TTC27: variants seen among roughly 807,000 people sequenced by gnomAD.
TTC27 encodes the protein tetratricopeptide repeat protein 27.
In TTC27, 79 loss-of-function variants were observed where a neutral mutation model predicts 115.9. That is an observed-to-expected ratio of 0.68 (90% CI 0.57 to 0.82). The LOEUF is 0.82. TTC27 is among the 40% of genes least tolerant of loss of function. The pLI, the probability that TTC27 is intolerant of heterozygous loss-of-function variation, is 0.00. For synonymous variants in TTC27, 401 were observed against 356.0 expected (o/e 1.13, Z -1.42); for missense variants, 1,054 against 993.1 (o/e 1.06, Z -0.82).
intron 2 of TTC27, among the ~76,000 whole-genome samples, chr2:32,632,949 A>G (rs1015029405): frequency 6.6e-6 from 1 of 152,214 alleles, no homozygotes; most frequent in Non-Finnish European, 1.5e-5. Context: ...AATATTTCAT[A>G]TTTAGAAAAA....
intron 9 of TTC27, among the ~76,000 whole-genome samples, chr2:32,690,476 A>G (rs1221551663): frequency 6.6e-6 from 1 of 152,204 alleles, no homozygotes; most frequent in East Asian, 1.9e-4. Flanking sequence ...AGCACAGATA[A>G]AGATATCCTC....
intron 16 of TTC27, among the ~76,000 whole-genome samples, chr2:32,809,415 G>T (rs1671241409): frequency 6.6e-6 from 1 of 152,250 alleles, no homozygotes; most frequent in African/African-American, 2.4e-5. Context: ...GATGTGGGCA[G>T]CTGTCTCTTG....
At chr2:32,777,419 A>G (rs1670032567) in intron 13 of TTC27, among the ~76,000 whole-genome samples, 1 of 152,246 alleles carries the variant, frequency 6.6e-6, no homozygotes, top group South Asian at 2.1e-4. Flanking sequence ...ATCCTCCTAT[A>G]TACTTTCAAT....
intron 9 of TTC27, among the ~76,000 whole-genome samples, chr2:32,685,775 CT>C (rs1666608196): frequency 6.6e-6 from 1 of 152,164 alleles, no homozygotes; most frequent in Non-Finnish European, 1.5e-5. Context: ...GAAAAGTAGT[CT>C]TTCCCCCTTA....
chr2:32,779,051 C>A (rs1054936660), intron 14 of TTC27, among the ~76,000 whole-genome samples: 1 of 152,110 alleles, frequency 6.6e-6, no homozygotes, highest in East Asian at 1.9e-4. Context: ...TGGTAAAACC[C>A]CATGTCTCCT....
chr2:32,773,312 T>G (rs1040314260), intron 13 of TTC27, among the ~76,000 whole-genome samples: 19 of 152,222 alleles, frequency 1.2e-4, no homozygotes, highest in African/African-American at 3.4e-4. Flanking sequence ...CCTCCATTCT[T>G]GCCCCATCCT....
chr2:32,672,399 G>C lies in TTC27; in HGVS notation c.1052+15G>C. Reference sequence around the variant, plus strand: ...CTTGGAATCTGGTGAGTTAATGACTGACTTGGCTGCTTTGAACACTTTGCA... The same window carrying C: ...CTTGGAATCTGGTGAGTTAATGACTCACTTGGCTGCTTTGAACACTTTGCA... On this transcript the variant is annotated intron_variant, in intron 8 of 19. Transcript: ENST00000317907. 6.3e-7 allele frequency: 1 copy of C among 1,583,714 alleles called. No homozygotes were observed. Among genetic ancestry groups the C allele is most frequent in the Non-Finnish European group, 8.7e-7 (1 of 1,153,278 alleles).
chr2:32,696,631 T>A (rs1666998993), intron 9 of TTC27, among the ~76,000 whole-genome samples: 1 of 152,088 alleles, frequency 6.6e-6, no homozygotes, highest in Admixed American at 6.5e-5. Context: ...CACAAACATT[T>A]GAGTTGTTTT....
chr2:32,669,903 A>G (rs1342811543), intron 7 of TTC27, among the ~76,000 whole-genome samples: 1 of 147,004 alleles, frequency 6.8e-6, no homozygotes, highest in Non-Finnish European at 1.5e-5. Context: ...AAAAAAAAAG[A>G]AAAGAAAGAA....
At chr2:32,675,577 A>G (rs1666167902) in intron 8 of TTC27, among the ~76,000 whole-genome samples, 1 of 152,188 alleles carries the variant, frequency 6.6e-6, no homozygotes, top group South Asian at 2.1e-4. Context: ...ATCTTAGTGC[A>G]TCTGATGCAG....
chr2:32,786,396 C>T (rs1298849848), intron 15 of TTC27, among the ~76,000 whole-genome samples: 2 of 152,166 alleles, frequency 1.3e-5, no homozygotes, highest in African/African-American at 4.8e-5. Flanking sequence ...ACCTCAGCCA[C>T]TCAAAAAGTG....
At chr2:32,681,891 TCTG>T (rs1666437060) in intron 9 of TTC27, among the ~76,000 whole-genome samples, 1 of 152,036 alleles carries the variant, frequency 6.6e-6, no homozygotes, top group African/African-American at 2.4e-5. Context: ...CCCCACTTCT[TCTG>T]AGCTCTTGAA....
intron 1 of TTC27, among the ~76,000 whole-genome samples, chr2:32,628,768 TA>T (rs1356866183): frequency 1.1e-4 from 15 of 140,416 alleles, no homozygotes; most frequent in South Asian, 4.2e-4. Flanking sequence ...TTTATTTATT[TA>T]TTTATTTATT....
chr2:32,812,296 AG>A (rs1210509224), intron 17 of TTC27, among the ~76,000 whole-genome samples: 2 of 152,200 alleles, frequency 1.3e-5, no homozygotes, highest in Non-Finnish European at 2.9e-5. Flanking sequence ...GTCTCAATCC[AG>A]GTACATCCAT....
At chr2:32,783,105 C>T (rs549210735) in intron 15 of TTC27, among the ~76,000 whole-genome samples, 21 of 152,196 alleles carry the variant, frequency 1.4e-4, no homozygotes, top group African/African-American at 3.9e-4. Flanking sequence ...TAAAATACTA[C>T]GCCATCTTAT....
At chr2:32,696,988 C>T (rs896939760) in intron 9 of TTC27, among the ~76,000 whole-genome samples, 1 of 152,050 alleles carries the variant, frequency 6.6e-6, no homozygotes, top group Non-Finnish European at 1.5e-5. Context: ...TGCTTGAGCC[C>T]AGGAGTTCGA....
rs755521459 is a variant in TTC27, at chr2:32,650,151, G to C, written c.558G>C (p.Leu186Phe). ...CCTAGAGCTTGCCATGGTGGACTTTGAGATGTGTGAATATTCATCAGCATT... is the reference window on the plus strand; with the variant it reads ...CCTAGAGCTTGCCATGGTGGACTTTCAGATGTGTGAATATTCATCAGCATT... ...TAIQSLPWWT[L>F]RCVNIHQHLL... is the part of the protein sequence containing the mutation. Residue 186 changes from leucine to phenylalanine, a missense_variant, in exon 5 of 20, where the codon TTG becomes TTC. By Grantham distance (22) the Leu-to-Phe change is conservative. Transcript: ENST00000317907. 6.8e-6 allele frequency: 11 copies of C among 1,613,754 alleles called. No homozygotes were observed. Among genetic ancestry groups the C allele is most frequent in the Non-Finnish European group, 8.5e-6 (10 of 1,179,786 alleles).
chr2:32,666,715 C>T lies in TTC27; in HGVS notation c.886C>T (p.Leu296Phe), dbSNP rs755121558. The T allele has an allele frequency of 3.7e-6, 6 of 1,613,880 alleles. No individual in the cohort carries two copies. The African/African-American group carries it at 6.7e-5, about 18-fold the overall frequency. Reference sequence around the variant, plus strand: ...AGATGTAAGAAGGGAAGGGGATGTCCTTTCAAATTGTGAATTCACTCCAGC... The same window carrying T: ...AGATGTAAGAAGGGAAGGGGATGTCTTTTCAAATTGTGAATTCACTCCAGC... Reference protein sequence around the residue: ...ILDVRREGDVLSNCEFTPAPT... With the variant: ...ILDVRREGDVFSNCEFTPAPT... The change falls in exon 7 of 20, where the codon CTT becomes TTT. Residue 296 changes from leucine to phenylalanine, a missense_variant. Transcript: ENST00000317907.
intron 19 of TTC27, among the ~76,000 whole-genome samples, chr2:32,817,800 A>G (rs940964212): frequency 6.6e-6 from 1 of 152,214 alleles, no homozygotes; most frequent in African/African-American, 2.4e-5. Flanking sequence ...TCATGCCTGT[A>G]ATCCCAGCAC....
Sources: gnomAD v4.1 joint callset for allele counts (sites outside exome capture counted in the v4.1 genomes callset) on GRCh38, gnomAD v4.1.1 for gene constraint, MANE v1.5 for transcripts, NCBI Gene and HGNC (gene_info 2026-07-23, HGNC 2026-07-21) for gene names.